Variants in ALDH1A2 observed in about 807,000 individuals in gnomAD.
ALDH1A2 encodes retinal dehydrogenase 2.
ALDH1A2 carries 27 observed loss-of-function variants against 60.3 expected under a neutral mutation model. The observed-to-expected ratio is 0.45, with a 90% CI of 0.33 to 0.62. The LOEUF (loss-of-function observed/expected upper bound fraction) is 0.62. Ranked by LOEUF, ALDH1A2 falls within the 20% of genes least tolerant of loss-of-function variation. The probability of loss-of-function intolerance (pLI) is 0.02; values close to 1 mark genes in which losing one functional copy is unlikely to be tolerated. For missense variants in ALDH1A2, 581 were observed against 643.8 expected, an observed-to-expected ratio of 0.90 and a Z score of 1.06; for synonymous variants, 289 against 232.4, an observed-to-expected ratio of 1.24 and a Z score of -2.21.
chr15:58,040,285 G>A (rs1278085479), intron 1 of ALDH1A2, among the ~76,000 whole-genome samples: 8 of 151,864 alleles, frequency 5.3e-5, no homozygotes, highest in African/African-American at 1.9e-4. Flanking sequence ...TGTTTGATAA[G>A]TACATTCTTT....
chr15:58,052,436 A>C lies in ALDH1A2; in HGVS notation c.117+13098T>G, dbSNP rs549085548. Among the ~76,000 whole-genome samples the C allele has an allele frequency of 6.6e-5, 10 of 152,196 alleles. No individual in the cohort carries two copies. In the South Asian group the frequency reaches 2.1e-3, roughly 32 times the overall value. On this transcript the variant is annotated intron_variant, in intron 1 of 12. Transcript: ENST00000249750. ...TCTCATTCTGGTCTCTCATTTTGTA[A>C]GTAACAAAGCTGTTACCAGGATTTA...
In ALDH1A2 at chr15:57,966,934, A is replaced by G. The variant is rs769671586; in HGVS notation, c.799-1107T>C. Among the ~76,000 whole-genome samples, 7 of 152,262 alleles carry G rather than the reference A, an allele frequency of 4.6e-5. 1 individual carries two copies. Among genetic ancestry groups the G allele is most frequent in the Admixed American group, 4.6e-4 (7 of 15,292 alleles). ...GCACATATCACTTTATGGAAAATGC[A>G]GAGCAGAGCCGCCATATAGTCCATA... On this transcript the variant is annotated intron_variant, in intron 7 of 12. Coordinates refer to ENST00000249750, the MANE Select transcript of ALDH1A2 (RefSeq NM_003888.4).
chr15:58,044,668 C>A (rs1407341573), intron 1 of ALDH1A2, among the ~76,000 whole-genome samples: 1 of 151,992 alleles, frequency 6.6e-6, no homozygotes, highest in Non-Finnish European at 1.5e-5. Flanking sequence ...CAGTCAACAA[C>A]CAGACTATTA....
chr15:58,031,739 C>A (rs572568716), intron 1 of ALDH1A2, among the ~76,000 whole-genome samples: 12 of 152,282 alleles, frequency 7.9e-5, no homozygotes, highest in East Asian at 1.9e-4. Context: ...ATGCAGCCAA[C>A]AGACACCTGA....
chr15:58,018,239 A>G (rs1445344811), intron 1 of ALDH1A2, among the ~76,000 whole-genome samples: 1 of 152,176 alleles, frequency 6.6e-6, no homozygotes, highest in Non-Finnish European at 1.5e-5. Flanking sequence ...AATGGACAAT[A>G]CTGGAATAAT....
At chr15:58,032,116 CAAT>C (rs1896256247) in intron 1 of ALDH1A2, among the ~76,000 whole-genome samples, 1 of 152,060 alleles carries the variant, frequency 6.6e-6, no homozygotes, top group African/African-American at 2.4e-5. Flanking sequence ...AAATGTCCAA[CAAT>C]GATAGACTGG....
At chr15:57,964,401 G>C (rs1262687333) in intron 8 of ALDH1A2, 1 of 251,790 alleles carries the variant, frequency 4.0e-6, no homozygotes, top group African/African-American at 2.2e-5. Flanking sequence ...GCAATGTAAT[G>C]GAGGGGCTAA....
chr15:58,014,065 A>G (rs1246399200), intron 2 of ALDH1A2, 67 bp from the exon 3 acceptor site: 4 of 1,613,912 alleles, frequency 2.5e-6, no homozygotes, highest in African/African-American at 2.7e-5. Context: ...ATCCACTGTC[A>G]TGAAAAAAGT....
At chr15:57,961,338 C>A (rs1566928689) in intron 10 of ALDH1A2, 44 bp from the exon 11 acceptor site, 1 of 1,601,210 alleles carries the variant, frequency 6.2e-7, no homozygotes. Context: ...TCTGTCATTC[C>A]TTTACCTGCT....
intron 12 of ALDH1A2, among the ~76,000 whole-genome samples, chr15:57,955,758 AGACGGAG>A (rs1189494064): frequency 1.3e-5 from 2 of 152,114 alleles, no homozygotes; most frequent in African/African-American, 2.4e-5. Flanking sequence ...TCCTCCCCCA[AGACGGAG>A]GGTGGGAGTG....
At position 58,013,944 on chromosome 15, in the gene ALDH1A2, C is replaced by G. The variant is rs1566948938; in HGVS notation, c.277G>C (p.Val93Leu). ...AARLAFSLGS[V>L]WRRMDASERG... is the part of the protein sequence containing the mutation. ...TCTGAAGCATCCATCCTTCTCCACA[C>G]TGAACCAAGAGAGAAAGCCAGGCGG... The change falls in exon 3 of 13, where the codon GTG becomes CTG. Residue 93 changes from valine (V) to leucine (L), a missense_variant. By Grantham distance (32) the Val-to-Leu change is conservative. This residue lies in a region of ALDH1A2 where 206 missense variants were observed against 174.1 expected (regional missense o/e 1.18). Transcript: ENST00000249750. 6.2e-7 allele frequency: 1 copy of G among 1,614,136 alleles called. No individual in the cohort carries two copies. The highest frequency in any genetic ancestry group is 1.7e-4 in the Middle Eastern group (1 of 6,060).
intron 1 of ALDH1A2, among the ~76,000 whole-genome samples, chr15:58,022,369 C>T (rs1485765290): frequency 6.6e-6 from 1 of 152,182 alleles, no homozygotes; most frequent in Non-Finnish European, 1.5e-5. Context: ...GGCCTGGAGA[C>T]TTGCCTGTCC....
intron 1 of ALDH1A2, among the ~76,000 whole-genome samples, chr15:58,042,704 T>C (rs530582929): frequency 1.3e-5 from 2 of 152,054 alleles, no homozygotes; most frequent in East Asian, 1.9e-4. Flanking sequence ...ATAGTTTTCA[T>C]CCAGAACATG....
chr15:57,993,148 C>G (rs1894951013), intron 5 of ALDH1A2, 75 bp from the exon 6 acceptor site: 1 of 1,558,196 alleles, frequency 6.4e-7, no homozygotes, highest in African/African-American at 1.4e-5. Context: ...TGTGACTTCT[C>G]ATATTTCTCA....
chr15:57,987,824 G>A (rs1202366518), intron 7 of ALDH1A2, among the ~76,000 whole-genome samples: 1 of 150,222 alleles, frequency 6.7e-6, no homozygotes, highest in African/African-American at 2.5e-5. Flanking sequence ...GGCAGAGCTT[G>A]CAGTGAGCCT....
intron 5 of ALDH1A2, among the ~76,000 whole-genome samples, chr15:57,993,390 G>C (rs1449320959): frequency 2.0e-5 from 3 of 151,900 alleles, no homozygotes; most frequent in African/African-American, 7.3e-5. Context: ...ATTAGGCTTT[G>C]GTTCCAATAA....
chr15:57,965,623 G>T, intron 8 of ALDH1A2, 102 bp downstream of exon 8: 1 of 924,746 alleles, frequency 1.1e-6, no homozygotes, highest in Non-Finnish European at 1.8e-6. Flanking sequence ...ATTGCCCTTA[G>T]CTTCAAATAT....
rs912805177 is a variant in ALDH1A2 at position 57,954,272 on chromosome 15, G to T, written c.*925C>A. 6 of 152,418 alleles carry T rather than the reference G, an allele frequency of 3.9e-5. No homozygotes were observed. The highest frequency in any genetic ancestry group is 5.9e-5 in the Non-Finnish European group (4 of 68,038). 9.4% of individuals were successfully genotyped at this position (152,418 alleles called of 1,614,324 possible). On this transcript the variant is annotated 3_prime_UTR_variant, in exon 13 of 13. Coordinates refer to ENST00000249750, the MANE Select transcript of ALDH1A2 (RefSeq NM_003888.4). ...AGAAATAATTCATTTAATAATAATT[G>T]TTGCCCAATATTAGAAACTGAATGA...
At chr15:58,061,603 A>AAAAAAAAC (rs1897036889) in intron 1 of ALDH1A2, among the ~76,000 whole-genome samples, 1 of 145,372 alleles carries the variant, frequency 6.9e-6, no homozygotes, top group Non-Finnish European at 1.5e-5. Context: ...CTCAAAAAAA[A>AAAAAAAAC]AAAAAACAAA....
Sources: allele counts gnomAD v4.1 joint callset (sites outside exome capture counted in the v4.1 genomes callset), GRCh38; gene constraint gnomAD v4.1.1; regional missense constraint gnomAD v4.1.1; transcripts MANE v1.5; gene names NCBI Gene and HGNC (gene_info 2026-07-23, HGNC 2026-07-21).